The following CDH13 variants were observed in gnomAD, a reference collection of about 807,000 sequenced individuals.
CDH13 encodes cadherin-13.
In CDH13, 24 loss-of-function variants were observed where a neutral mutation model predicts 63.8. That is an observed-to-expected ratio of 0.38 (90% confidence interval 0.27 to 0.53). The LOEUF (loss-of-function observed/expected upper bound fraction) is 0.53, where lower values mean the gene tolerates loss of function less well. CDH13 is among the 20% of genes least tolerant of loss of function. CDH13 has a pLI of 0.85. For synonymous variants in CDH13, 503 were observed against 355.3 expected (o/e 1.42, Z -4.67); for missense variants, 1,049 against 903.1 (o/e 1.16, Z -2.07).
intron 5 of CDH13, among the ~76,000 whole-genome samples, chr16:83,309,294 A>T (rs1009504560): frequency 7.9e-5 from 12 of 152,112 alleles, no homozygotes; most frequent in African/African-American, 2.7e-4. Context: ...TCTATATCGA[A>T]GTCAGATTTA....
chr16:82,689,970 C>T lies in CDH13; in HGVS notation c.45+62833C>T, dbSNP rs1250888195. Among the ~76,000 whole-genome samples, 12 of 97,212 alleles carry T rather than the reference C, an allele frequency of 1.2e-4. No individual in the cohort carries two copies. The South Asian group carries it at 1.4e-3, about 11-fold the overall frequency. The allele number at this position is 97,212 out of a possible 152,430, so 63.8% of individuals were successfully genotyped here. On this transcript the variant is annotated intron_variant, in intron 1 of 13. Transcript: ENST00000567109. The stretch of plus-strand genomic sequence containing the variant: ...CACCAGCCTGACCAACATGGTGAAA[C>T]GCCATCTCTACTAAAAAAAAAAAAA...
intron 3 of CDH13, among the ~76,000 whole-genome samples, chr16:83,094,589 A>C (rs902287801): frequency 6.6e-6 from 1 of 152,144 alleles, no homozygotes; most frequent in Non-Finnish European, 1.5e-5. Context: ...TCTTCAGCAG[A>C]AGGCAAGGCC....
chr16:83,390,908 T>C (rs966527240), intron 6 of CDH13, among the ~76,000 whole-genome samples: 1 of 152,244 alleles, frequency 6.6e-6, no homozygotes, highest in Non-Finnish European at 1.5e-5. Flanking sequence ...GGAGCTGACC[T>C]CTTTGATGTC....
At chr16:83,236,564 T>C (rs1046388488) in intron 5 of CDH13, among the ~76,000 whole-genome samples, 1 of 152,168 alleles carries the variant, frequency 6.6e-6, no homozygotes, top group African/African-American at 2.4e-5. Flanking sequence ...TGTGCCTTCC[T>C]AAAATGCTGC....
intron 1 of CDH13, among the ~76,000 whole-genome samples, chr16:82,791,786 G>T (rs1326862026): frequency 3.3e-5 from 5 of 152,184 alleles, no homozygotes; most frequent in Non-Finnish European, 7.3e-5. Flanking sequence ...AACACTAGTT[G>T]CTGGGCTCCG....
At chr16:82,652,628 AGCTGCTGCT>A (rs35661989) in intron 1 of CDH13, among the ~76,000 whole-genome samples, 4,994 of 149,394 alleles carry the variant, frequency 0.033, 257 homozygotes, top group African/African-American at 0.11. Flanking sequence ...AGATATTGGA[AGCTGCTGCT>A]GCTGCTGCTG....
At chr16:83,019,298 G>T (rs1915115640) in intron 2 of CDH13, among the ~76,000 whole-genome samples, 1 of 151,826 alleles carries the variant, frequency 6.6e-6, no homozygotes, top group South Asian at 2.1e-4. Context: ...TAAAAGCTGA[G>T]ACATGAACAC....
At chr16:83,481,487 T>C (rs991340699) in intron 6 of CDH13, among the ~76,000 whole-genome samples, 1 of 152,150 alleles carries the variant, frequency 6.6e-6, no homozygotes, top group African/African-American at 2.4e-5. Flanking sequence ...AAGCAAAACT[T>C]CAAAGCTGGC....
At chr16:82,883,496 C>T (rs749284142) in intron 2 of CDH13, among the ~76,000 whole-genome samples, 2 of 152,172 alleles carry the variant, frequency 1.3e-5, no homozygotes, top group South Asian at 2.1e-4. Flanking sequence ...TGTTTTCCAT[C>T]GACTATCTCA....
In CDH13 at chr16:83,670,966, T is replaced by C. The variant is rs1189562228; in HGVS notation, c.1278T>C (p.Val426=). 3 of 1,593,602 alleles carry C rather than the reference T, an allele frequency of 1.9e-6. No individual in the cohort carries two copies. Residue 426 remains valine (V), a synonymous_variant, in exon 9 of 14, where the codon GTT becomes GTC. Coordinates refer to ENST00000567109, the MANE Select transcript of CDH13 (RefSeq NM_001257.5). The part of the protein sequence containing the change: ...NPQTNEGMLS[V]VKPLDYEISA... ...AAACCAACGAAGGGATGCTTTCTGT[T>C]GTCAAAGTAAGGGTGCTTCCAATTG...
intron 1 of CDH13, among the ~76,000 whole-genome samples, chr16:82,743,960 A>G (rs1048434836): frequency 2.0e-5 from 3 of 152,228 alleles, no homozygotes; most frequent in African/African-American, 7.2e-5. Context: ...GGCACCTACT[A>G]TATACCAGGT....
At chr16:83,360,401 C>G (rs1567616384) in intron 6 of CDH13, among the ~76,000 whole-genome samples, 1 of 151,936 alleles carries the variant, frequency 6.6e-6, no homozygotes, top group Non-Finnish European at 1.5e-5. Context: ...ATAGAGCCTT[C>G]TACAATTTTA....
intron 1 of CDH13, chr16:82,844,639 A>ATT (rs374547544): frequency 0.1 from 11,516 of 109,786 alleles, 811 homozygotes; most frequent in South Asian, 0.15. Context: ...GTAATAAAGT[A>ATT]TTTTTTTTTT....
At chr16:83,215,566 C>A (rs926448240) in intron 4 of CDH13, among the ~76,000 whole-genome samples, 1 of 150,384 alleles carries the variant, frequency 6.6e-6, no homozygotes, top group East Asian at 1.9e-4. Context: ...AAAGTTCATG[C>A]TGCCTTAGGC....
chr16:83,233,864 G>A (rs577201821), intron 5 of CDH13, among the ~76,000 whole-genome samples: 1 of 152,112 alleles, frequency 6.6e-6, no homozygotes, highest in African/African-American at 2.4e-5. Context: ...GCATCTCTGG[G>A]GGCCGCTATT....
At chr16:83,322,420 G>C (rs1322165302) in intron 5 of CDH13, among the ~76,000 whole-genome samples, 1 of 152,216 alleles carries the variant, frequency 6.6e-6, no homozygotes, top group African/African-American at 2.4e-5. Context: ...AAAAGTTCTA[G>C]TGCACTCACT....
intron 2 of CDH13, among the ~76,000 whole-genome samples, chr16:82,999,532 G>GA (rs140814249): frequency 0.11 from 16,615 of 151,784 alleles, 1,049 homozygotes; most frequent in African/African-American, 0.18. Context: ...TAAAACACTG[G>GA]AAAAAAATCA....
At chr16:82,900,638 G>A (rs1209675004) in intron 2 of CDH13, among the ~76,000 whole-genome samples, 1 of 152,146 alleles carries the variant, frequency 6.6e-6, no homozygotes, top group Admixed American at 6.5e-5. Flanking sequence ...GAAGATGAGA[G>A]AGAGAAACAG....
chr16:82,831,870 C>G (rs906577340), intron 1 of CDH13, among the ~76,000 whole-genome samples: 1 of 152,154 alleles, frequency 6.6e-6, no homozygotes, highest in Non-Finnish European at 1.5e-5. Flanking sequence ...AGGAAACAAC[C>G]ATATCTAGGT....
Sources: gnomAD v4.1 joint callset for allele counts (sites outside exome capture counted in the v4.1 genomes callset) on GRCh38, gnomAD v4.1.1 for gene constraint, MANE v1.5 for transcripts, NCBI Gene and HGNC (gene_info 2026-07-23, HGNC 2026-07-21) for gene names.